ABCA6: variants seen among roughly 807,000 people sequenced by gnomAD.
The protein encoded by ABCA6 is ATP-binding cassette sub-family A member 6.
In ABCA6, 164 loss-of-function variants were observed where a neutral mutation model predicts 191.2. That is an observed-to-expected ratio of 0.86 (90% CI 0.76 to 0.98). ABCA6 has a LOEUF of 0.98. Among genes scored for constraint, ABCA6 ranks in the 50% least tolerant of loss-of-function variants. ABCA6 has a pLI of 0.00. For missense variants in ABCA6, 1,958 were observed against 1,894.1 expected (o/e 1.03, Z -0.63); for synonymous variants, 636 against 647.7 (o/e 0.98, Z 0.27).
At position 69,134,503 on chromosome 17, in the gene ABCA6, C is replaced by A; in HGVS notation, c.564+136G>T. On this transcript the variant is annotated intron_variant, in intron 5 of 38. Transcript: ENST00000284425. ...CAGCCTCCAGAAATAAATTTCTGTC[C>A]TTTACAAATTACCCAATCTCAAGTA... The A allele has an allele frequency of 6.1e-6, 4 of 659,608 alleles. No homozygotes were observed. In the Admixed American group the frequency reaches 1.2e-4, roughly 20 times the overall value. The allele number at this position is 659,608 out of a possible 1,614,324, so 40.9% of individuals were successfully genotyped here.
intron 36 of ABCA6, among the ~76,000 whole-genome samples, chr17:69,082,307 AATAACATACAGACATACACAAACAC>A (rs1477106208): frequency 8.3e-5 from 12 of 144,914 alleles, no homozygotes; most frequent in Non-Finnish European, 1.5e-4. Flanking sequence ...CCCTCCCCCA[AATAACATACAGACATACACAAACAC>A]ACACACACAC....
At chr17:69,099,314 TTC>T (rs767834801) in intron 22 of ABCA6, among the ~76,000 whole-genome samples, 20 of 152,070 alleles carry the variant, frequency 1.3e-4, no homozygotes, top group Non-Finnish European at 1.6e-4. Flanking sequence ...TGTCTATAAA[TTC>T]TGTTTTTCAT....
intron 17 of ABCA6, 130 bp downstream of exon 17, chr17:69,110,671 C>G: frequency 9.4e-7 from 1 of 1,060,258 alleles, no homozygotes; most frequent in Non-Finnish European, 1.3e-6. Context: ...AATCCTTCCT[C>G]TTGAGTTCTG....
At chr17:69,115,716 G>A (rs2073525815) in intron 11 of ABCA6, 2 of 322,310 alleles carry the variant, frequency 6.2e-6, no homozygotes, top group Non-Finnish European at 1.1e-5. Context: ...AGTGACCAAT[G>A]GAACAGAACA....
intron 28 of ABCA6, 180 bp from the exon 29 acceptor site, chr17:69,087,653 C>T: frequency 1.3e-6 from 1 of 760,556 alleles, no homozygotes; most frequent in South Asian, 1.8e-5. Flanking sequence ...AGCCAGAATC[C>T]TTTTCTTAAT....
chr17:69,127,997 C>A (rs561213361), intron 8 of ABCA6, among the ~76,000 whole-genome samples: 167 of 152,126 alleles, frequency 1.1e-3, no homozygotes, highest in African/African-American at 3.9e-3. Flanking sequence ...AAGAGATTTT[C>A]AAAAATACAC....
At chr17:69,085,313 T>C (rs1245914178) in intron 31 of ABCA6, 131 bp from the exon 32 acceptor site, 8 of 862,146 alleles carry the variant, frequency 9.3e-6, no homozygotes, top group East Asian at 2.9e-5. Context: ...TTACTTCATA[T>C]ATTTATTACA....
At chr17:69,121,756 GAAT>G (rs1568027113) in intron 10 of ABCA6, among the ~76,000 whole-genome samples, 2 of 151,960 alleles carry the variant, frequency 1.3e-5, no homozygotes, top group African/African-American at 4.8e-5. Context: ...TTTATAATTT[GAAT>G]AATAATATAA....
intron 25 of ABCA6, among the ~76,000 whole-genome samples, chr17:69,092,423 A>C (rs1051064223): frequency 1.3e-5 from 2 of 152,134 alleles, no homozygotes; most frequent in African/African-American, 4.8e-5. Flanking sequence ...GACTCCTCTT[A>C]TTCTACCAGA....
chr17:69,083,664 C>CTAT lies in ABCA6; in HGVS notation c.4356-334_4356-333insATA, dbSNP rs2072697807. Among the ~76,000 whole-genome samples the CTAT allele has an allele frequency of 2.6e-5, 4 of 152,232 alleles. No individual in the cohort carries two copies. In the South Asian group the frequency reaches 8.3e-4, roughly 32 times the overall value. ...AGGAGATTGGTTCTATTGATACCTGCTGAAACTTGTCCATGGGAATAATGG... is the reference window on the plus strand; with the variant it reads ...AGGAGATTGGTTCTATTGATACCTGCTATTGAAACTTGTCCATGGGAATAATGG... On this transcript the variant is annotated intron_variant, in intron 34 of 38. Coordinates refer to ENST00000284425, the MANE Select transcript of ABCA6 (RefSeq NM_080284.3).
chr17:69,112,642 G>GT (rs2073448296), intron 15 of ABCA6: 3 of 183,362 alleles, frequency 1.6e-5, no homozygotes, highest in African/African-American at 7.2e-5. Context: ...AATAGACACT[G>GT]AAGACTCGGA....
chr17:69,087,622 G>A, intron 28 of ABCA6, 149 bp from the exon 29 acceptor site: 2 of 1,050,492 alleles, frequency 1.9e-6, no homozygotes, highest in African/African-American at 3.2e-5. Context: ...TTCTGCTTTT[G>A]CCAAGAACTC....
chr17:69,093,119 C>T (rs1383440668), intron 25 of ABCA6, among the ~76,000 whole-genome samples: 1 of 152,114 alleles, frequency 6.6e-6, no homozygotes, highest in Non-Finnish European at 1.5e-5. Context: ...CAAGTTTATT[C>T]CTGAGCCTGT....
In ABCA6 at chr17:69,141,110, C is replaced by T. The variant is rs1598073697; in HGVS notation, c.-45-362G>A. ...CCATTTCTTGTTCTTTACATTGAAA[C>T]AGAAATCTCAGAGCTAATCAAATTA... On this transcript the variant is annotated intron_variant, in intron 1 of 38. Coordinates refer to ENST00000284425, the MANE Select transcript of ABCA6 (RefSeq NM_080284.3). Among the ~76,000 whole-genome samples, 7 of 152,090 alleles carry T rather than the reference C, an allele frequency of 4.6e-5. 2 individuals are homozygous for T. The highest frequency in any genetic ancestry group is 4.6e-4 in the Admixed American group (7 of 15,238).
Position 69,112,209 on chromosome 17 carries a change from T to C in ABCA6, c.2106A>G (p.Arg702=). 1 of 1,612,596 alleles carries C rather than the reference T, an allele frequency of 6.2e-7. No individual in the cohort carries two copies. The highest frequency in any genetic ancestry group is 8.5e-7 in the Non-Finnish European group (1 of 1,179,050). The change falls in exon 16 of 39, where the codon AGA becomes AGG. Residue 702 remains arginine, a synonymous_variant. Coordinates refer to ENST00000284425, the MANE Select transcript of ABCA6 (RefSeq NM_080284.3). ...KCAGSSMFLK[R]RWGLGYHLSL... ...TTAGGTGATATCCAAGACCCCACCT[T>C]CTTTTCAAAAACATAGAAGAACCTG...
At chr17:69,102,778 A>C (rs1251593119) in intron 21 of ABCA6, 57 bp downstream of exon 21, 76 of 1,504,582 alleles carry the variant, frequency 5.1e-5, no homozygotes, top group Non-Finnish European at 6.5e-5. Context: ...GCAGTTTTAA[A>C]ACAGCTAAAA....
At chr17:69,082,233 C>G (rs533939873) in intron 36 of ABCA6, among the ~76,000 whole-genome samples, 2 of 152,034 alleles carry the variant, frequency 1.3e-5, no homozygotes, top group African/African-American at 4.8e-5. Context: ...CTTTTATGTC[C>G]TATTTTTTGA....
Position 69,113,731 on chromosome 17 carries a change from G to C in ABCA6, c.1789C>G (p.Arg597Gly), listed in dbSNP as rs763005107. The C allele has an allele frequency of 6.2e-7, 1 of 1,611,224 alleles. No homozygotes were observed. ...HLKEVEQEVQRILLELDMQNI... is the reference protein window; with the variant it reads ...HLKEVEQEVQGILLELDMQNI... ...TGCATGTCCAATTCCAATAATATTC[G>C]TTGTACCTATATGAGAAAATACGCA... Residue 597 changes from arginine (R) to glycine (G), a missense_variant, in exon 14 of 39, where the codon CGA (arginine) becomes GGA (glycine). Arg to Gly is a moderately radical substitution (Grantham distance 125). Coordinates refer to ENST00000284425, the MANE Select transcript of ABCA6 (RefSeq NM_080284.3).
chr17:69,113,715 A>AT lies in ABCA6; in HGVS notation c.1804_1805insA (p.Leu602TyrfsTer9). ...GTTATCTTGAATGTTTTGCATGTCC[A>AT]ATTCCAATAATATTCGTTGTACCTA... On this transcript the variant is annotated frameshift_variant, in exon 14 of 39. Transcript: ENST00000284425. LOFTEE classifies it high-confidence loss of function. 6 of 1,612,392 alleles carry AT rather than the reference A, an allele frequency of 3.7e-6. No homozygotes were observed. The highest frequency in any genetic ancestry group is 5.1e-6 in the Non-Finnish European group (6 of 1,179,000).
Sources: gnomAD v4.1 joint callset for allele counts (sites outside exome capture counted in the v4.1 genomes callset) on GRCh38, gnomAD v4.1.1 for gene constraint, MANE v1.5 for transcripts, NCBI Gene and HGNC (gene_info 2026-07-23, HGNC 2026-07-21) for gene names.